Variants in TMEFF2 observed in about 807,000 individuals in gnomAD.
TMEFF2 encodes transmembrane protein with EGF like and two follistatin like domains 2.
In TMEFF2, 28 loss-of-function variants were observed where a neutral mutation model predicts 53.8. That is an observed-to-expected ratio of 0.52 (90% CI 0.39 to 0.71). The LOEUF (loss-of-function observed/expected upper bound fraction) is 0.71, where lower values mean the gene tolerates loss of function less well. TMEFF2 is among the 30% of genes least tolerant of loss of function. TMEFF2 has a pLI of 0.00. For synonymous variants in TMEFF2, 162 were observed against 166.3 expected (o/e 0.97, Z 0.20); for missense variants, 353 against 455.2 (o/e 0.78, Z 2.04).
intron 7 of TMEFF2, among the ~76,000 whole-genome samples, chr2:191,968,822 T>C (rs1692540954): frequency 6.6e-6 from 1 of 152,156 alleles, no homozygotes; most frequent in Admixed American, 6.6e-5. Context: ...TCCATCAGAC[T>C]TCATTCTGGG....
chr2:192,132,137 C>T (rs1364377515), intron 4 of TMEFF2, among the ~76,000 whole-genome samples: 1 of 151,882 alleles, frequency 6.6e-6, no homozygotes, highest in Admixed American at 6.6e-5. Flanking sequence ...CCAATTCTTC[C>T]TCAGCCTCCG....
chr2:191,949,214 C>A lies in TMEFF2; in HGVS notation c.*1097G>T, dbSNP rs1691791243. 1 of 985,216 alleles carries A rather than the reference C, an allele frequency of 1.0e-6. No homozygotes were observed. Among genetic ancestry groups the A allele is most frequent in the Non-Finnish European group, 1.2e-6 (1 of 829,900 alleles). 61.0% of individuals were successfully genotyped at this position (985,216 alleles called of 1,614,324 possible). On this transcript the variant is annotated 3_prime_UTR_variant, in exon 10 of 10. Coordinates refer to ENST00000272771, the MANE Select transcript of TMEFF2 (RefSeq NM_016192.4). The stretch of plus-strand genomic sequence containing the variant: ...TACCTATTTGTATGCACAAATCAAA[C>A]AAAAATCCATACCAACTTCCCAGTG...
chr2:191,975,814 G>C (rs1282398453), intron 7 of TMEFF2, among the ~76,000 whole-genome samples: 1 of 152,110 alleles, frequency 6.6e-6, no homozygotes, highest in East Asian at 1.9e-4. Flanking sequence ...GCCTAGCAGA[G>C]GAACAGTTTT....
chr2:192,107,903 ACTAT>A (rs1689187535), intron 4 of TMEFF2, among the ~76,000 whole-genome samples: 1 of 151,714 alleles, frequency 6.6e-6, no homozygotes, highest in Admixed American at 6.6e-5. Flanking sequence ...GCCTTACAAA[ACTAT>A]CTCTCTAATT....
intron 7 of TMEFF2, among the ~76,000 whole-genome samples, chr2:191,975,347 GTTATATCAGAGCCTTTCTTTAC>G (rs1394804574): frequency 1.3e-5 from 1 of 75,804 alleles, no homozygotes; most frequent in East Asian, 7.3e-4. Flanking sequence ...GTTTAGATTT[GTTATATCAGAGCCTTTCTTTAC>G]TTATTAACAA....
chr2:191,989,136 G>C (rs1686046965), intron 7 of TMEFF2, among the ~76,000 whole-genome samples: 1 of 152,146 alleles, frequency 6.6e-6, no homozygotes, highest in African/African-American at 2.4e-5. Flanking sequence ...TAAGGACTGA[G>C]ATATATACTA....
chr2:191,958,560 A>C (rs1692174930), intron 7 of TMEFF2, among the ~76,000 whole-genome samples: 1 of 152,222 alleles, frequency 6.6e-6, no homozygotes, highest in Admixed American at 6.5e-5. Context: ...CCATATTCAC[A>C]ATTATGAACT....
intron 1 of TMEFF2, among the ~76,000 whole-genome samples, chr2:192,192,290 G>GT (rs141481827): frequency 0.27 from 39,434 of 148,530 alleles, 5,230 homozygotes; most frequent in East Asian, 0.37. Context: ...TTTGCTTCCT[G>GT]TTTTTTTTTT....
intron 4 of TMEFF2, among the ~76,000 whole-genome samples, chr2:192,170,830 A>G (rs969968976): frequency 2.0e-5 from 3 of 152,068 alleles, no homozygotes; most frequent in Admixed American, 2.0e-4. Context: ...GGTTTGACTC[A>G]TTGAGCCAGG....
intron 4 of TMEFF2, among the ~76,000 whole-genome samples, chr2:192,140,674 T>C (rs1212423617): frequency 6.6e-6 from 1 of 152,096 alleles, no homozygotes; most frequent in Non-Finnish European, 1.5e-5. Flanking sequence ...TTTCAAGGAT[T>C]GGCATGTAGA....
intron 5 of TMEFF2, among the ~76,000 whole-genome samples, chr2:192,005,934 G>C (rs1327364691): frequency 1.3e-5 from 2 of 151,890 alleles, no homozygotes; most frequent in Non-Finnish European, 2.9e-5. Flanking sequence ...TGAGTTGTGA[G>C]AGAAAATGAG....
chr2:192,079,234 A>T (rs537336706), intron 4 of TMEFF2, among the ~76,000 whole-genome samples: 1 of 152,174 alleles, frequency 6.6e-6, no homozygotes, highest in African/African-American at 2.4e-5. Flanking sequence ...TGCTCTGCAG[A>T]TGTACACTGG....
At chr2:192,138,921 GT>G (rs1477818914) in intron 4 of TMEFF2, among the ~76,000 whole-genome samples, 1 of 152,132 alleles carries the variant, frequency 6.6e-6, no homozygotes, top group Non-Finnish European at 1.5e-5. Context: ...TCCCTGGGGG[GT>G]TCAATGGGCA....
At chr2:192,130,524 T>C (rs559965477) in intron 4 of TMEFF2, among the ~76,000 whole-genome samples, 231 of 152,188 alleles carry the variant, frequency 1.5e-3, no homozygotes, top group Non-Finnish European at 2.8e-3. Context: ...CACTCCACCA[T>C]TGTGATTTGT....
chr2:192,135,081 G>A (rs553770140), intron 4 of TMEFF2, among the ~76,000 whole-genome samples: 133 of 151,608 alleles, frequency 8.8e-4, no homozygotes, highest in African/African-American at 3.1e-3. Flanking sequence ...TCCAGACACC[G>A]GACCAACTTA....
At chr2:192,077,234 C>T (rs1227475649) in intron 4 of TMEFF2, among the ~76,000 whole-genome samples, 1 of 152,022 alleles carries the variant, frequency 6.6e-6, no homozygotes, top group Non-Finnish European at 1.5e-5. Context: ...TAATTCAAAC[C>T]CTTAAGGTTA....
At chr2:192,183,346 C>T (rs896250342) in intron 3 of TMEFF2, among the ~76,000 whole-genome samples, 17 of 151,876 alleles carry the variant, frequency 1.1e-4, no homozygotes, top group Admixed American at 1.3e-4. Context: ...TTCCACCCTG[C>T]CCCAGTCACT....
intron 4 of TMEFF2, among the ~76,000 whole-genome samples, chr2:192,121,820 AAAC>A (rs1452206606): frequency 6.6e-6 from 1 of 152,230 alleles, no homozygotes; most frequent in African/African-American, 2.4e-5. Flanking sequence ...TGCCTGTAGG[AAAC>A]AACAAGCATA....
chr2:191,965,614 A>G (rs1692448226), intron 7 of TMEFF2, among the ~76,000 whole-genome samples: 1 of 152,194 alleles, frequency 6.6e-6, no homozygotes, highest in Admixed American at 6.5e-5. Flanking sequence ...AAGGCAATTC[A>G]GAATCTAGTC....
Sources: gnomAD v4.1 joint callset for allele counts (sites outside exome capture counted in the v4.1 genomes callset) on GRCh38, gnomAD v4.1.1 for gene constraint, MANE v1.5 for transcripts, NCBI Gene and HGNC (gene_info 2026-07-23, HGNC 2026-07-21) for gene names.